Variants in UHRF1 observed in about 807,000 individuals in gnomAD.
UHRF1 encodes the protein ubiquitin like with PHD and ring finger domains 1.
In UHRF1, 9 loss-of-function variants were observed where a neutral mutation model predicts 96.5. The ratio of observed to expected loss-of-function variants is 0.09; its 90% confidence interval spans 0.06 to 0.16. The LOEUF is 0.16. UHRF1 is among the 10% of genes least tolerant of loss of function. The probability of loss-of-function intolerance (pLI) is 1.00; values close to 1 mark genes in which losing one functional copy is unlikely to be tolerated. For missense variants in UHRF1, 626 were observed against 1,131.1 expected (o/e 0.55, Z 6.40); for synonymous variants, 455 against 469.9 (o/e 0.97, Z 0.41).
intron 6 of UHRF1, 33 bp from the exon 7 acceptor site, chr19:4,941,712 C>G (rs1484115579): frequency 1.3e-6 from 2 of 1,555,328 alleles, no homozygotes; most frequent in Non-Finnish European, 1.7e-6. Flanking sequence ...TGGCCGGGCC[C>G]CGCCGGAGCT....
intron 2 of UHRF1, among the ~76,000 whole-genome samples, chr19:4,914,764 C>A (rs555126618): frequency 6.6e-6 from 1 of 152,112 alleles, no homozygotes; most frequent in East Asian, 1.9e-4. Flanking sequence ...TTTCAGCATC[C>A]CTGGCCCGCG....
chr19:4,953,904 G>A (rs1326096089), intron 13 of UHRF1, among the ~76,000 whole-genome samples: 1 of 152,016 alleles, frequency 6.6e-6, no homozygotes, highest in Non-Finnish European at 1.5e-5. Context: ...AAATTAGCTG[G>A]GTGTGGTGGC....
At chr19:4,918,160 C>T (rs1418332752) in intron 2 of UHRF1, among the ~76,000 whole-genome samples, 1 of 151,092 alleles carries the variant, frequency 6.6e-6, no homozygotes, top group Non-Finnish European at 1.5e-5. Context: ...CACTCTGTTG[C>T]CCAAGCTGGA....
chr19:4,926,919 C>G (rs1050640546), intron 2 of UHRF1, among the ~76,000 whole-genome samples: 2 of 152,002 alleles, frequency 1.3e-5, no homozygotes, highest in Non-Finnish European at 2.9e-5. Flanking sequence ...AAAAATTAGC[C>G]GGGCTTGGTG....
intron 1 of UHRF1, among the ~76,000 whole-genome samples, chr19:4,904,336 T>C (rs1330561845): frequency 6.6e-6 from 1 of 152,058 alleles, no homozygotes. Context: ...CCGCCACAAA[T>C]GCCTGGCTAA....
intron 13 of UHRF1, among the ~76,000 whole-genome samples, chr19:4,951,948 G>A (rs1037186375): frequency 6.6e-6 from 1 of 152,166 alleles, no homozygotes; most frequent in African/African-American, 2.4e-5. Context: ...AATTGCTGTC[G>A]AGAGCCTGAT....
At chr19:4,914,732 C>T (rs866558179) in intron 2 of UHRF1, among the ~76,000 whole-genome samples, 2 of 151,272 alleles carry the variant, frequency 1.3e-5, no homozygotes, top group East Asian at 1.9e-4. Flanking sequence ...TCGGGTACAA[C>T]GCTCTGCACT....
intron 13 of UHRF1, among the ~76,000 whole-genome samples, chr19:4,953,482 G>T (rs118016019): frequency 6.6e-6 from 1 of 151,936 alleles, no homozygotes; most frequent in Non-Finnish European, 1.5e-5. Context: ...TTTTATTTTT[G>T]AGACCAGGTC....
At chr19:4,927,779 A>AGG (rs2032920895) in intron 2 of UHRF1, among the ~76,000 whole-genome samples, 1 of 151,930 alleles carries the variant, frequency 6.6e-6, no homozygotes, top group African/African-American at 2.4e-5. Flanking sequence ...CAGTGCCCAG[A>AGG]GGGGGAGACC....
At position 4,954,659 on chromosome 19, in the gene UHRF1, C is replaced by T. The variant is rs938644931; in HGVS notation, c.1967C>T (p.Pro656Leu). 9 of 1,612,334 alleles carry T rather than the reference C, an allele frequency of 5.6e-6. No individual in the cohort carries two copies. Among genetic ancestry groups the T allele is most frequent in the East Asian group, 2.2e-5 (1 of 44,792 alleles). The part of the protein sequence containing the change: ...KWKRKSAGGG[P>L]SRAGSPRRTS... ...CCCCACCCTCTTCCAGGAGGTGGCC[C>T]GAGCAGGGCCGGGTCCCCGCGCCGG... is the stretch of plus-strand genomic sequence containing the variant. Residue 656 changes from proline to leucine, a missense_variant, in exon 15 of 17, where the codon CCG (proline) becomes CTG (leucine). Transcript: ENST00000650932. This position sits in a 1 kb window ranked among gnomAD's most constrained non-coding sequence, Gnocchi z 5.9.
At chr19:4,943,475 G>A (rs1369884915) in intron 7 of UHRF1, among the ~76,000 whole-genome samples, 3 of 148,344 alleles carry the variant, frequency 2.0e-5, no homozygotes, top group African/African-American at 7.6e-5. Context: ...CAGCACAGAA[G>A]TGGGTGTTGT....
chr19:4,943,851 G>A (rs940152539), intron 7 of UHRF1, among the ~76,000 whole-genome samples: 7 of 151,986 alleles, frequency 4.6e-5, no homozygotes, highest in East Asian at 1.9e-4. Flanking sequence ...GGGTTTCACC[G>A]TGTTGGCCAG....
rs756233485 is a variant in UHRF1 at position 4,944,125 on chromosome 19, C to T, written c.1074-7C>T. Reference sequence around the variant, plus strand: ...AGGCGTGGGCAGTGACAATCCCGACCTCGCAGGTACTGCCCTGAGTGCCGG... The same window carrying T: ...AGGCGTGGGCAGTGACAATCCCGACTTCGCAGGTACTGCCCTGAGTGCCGG... On this transcript the variant is annotated splice_region_variant and splice_polypyrimidine_tract_variant and intron_variant, in intron 7 of 16. Coordinates refer to ENST00000650932, the MANE Select transcript of UHRF1 (RefSeq NM_001048201.3). 3.3e-5 allele frequency: 53 copies of T among 1,613,502 alleles called. No homozygotes were observed. In the South Asian group the frequency reaches 5.2e-4, roughly 16 times the overall value.
intron 13 of UHRF1, among the ~76,000 whole-genome samples, chr19:4,951,916 G>A (rs1292769412): frequency 1.3e-5 from 2 of 152,132 alleles, no homozygotes; most frequent in Admixed American, 6.6e-5. Context: ...CAGACGAATC[G>A]TGAGACTATT....
chr19:4,936,400 C>T lies in UHRF1; in HGVS notation c.785+3444C>T, dbSNP rs73921813. Among the ~76,000 whole-genome samples the T allele has an allele frequency of 6.9e-3, 1,050 of 152,192 alleles. 18 individuals are homozygous for T. Among genetic ancestry groups the T allele is most frequent in the African/African-American group, 0.024 (986 of 41,514 alleles). ...CTGCAGATGACAGACCAGGGAGATG[C>T]GTGCTCTGAGACAACACGCGAGGAT... On this transcript the variant is annotated intron_variant, in intron 5 of 16. Coordinates refer to ENST00000650932, the MANE Select transcript of UHRF1 (RefSeq NM_001048201.3).
chr19:4,930,102 G>A lies in UHRF1; in HGVS notation c.409-614G>A, dbSNP rs2033001081. Among the ~76,000 whole-genome samples the A allele has an allele frequency of 6.6e-6, 1 of 152,174 alleles. No individual in the cohort carries two copies. Among genetic ancestry groups the A allele is most frequent in the Admixed American group, 6.6e-5 (1 of 15,266 alleles). The stretch of plus-strand genomic sequence containing the variant: ...CAATTCTCGTGCCTCAGCCTCCTGA[G>A]TAGCTGGGATTACAGGCATGTGCCA... On this transcript the variant is annotated intron_variant, in intron 3 of 16. Coordinates refer to ENST00000650932, the MANE Select transcript of UHRF1 (RefSeq NM_001048201.3). This position sits in a 1 kb window ranked among gnomAD's most constrained non-coding sequence, Gnocchi z 4.4.
rs1391204595 is a variant in UHRF1 at position 4,932,792 on chromosome 19, C to G, written c.621C>G (p.Arg207=). Residue 207 remains arginine, a synonymous_variant, in exon 5 of 17, where the codon CGC becomes CGG. Coordinates refer to ENST00000650932, the MANE Select transcript of UHRF1 (RefSeq NM_001048201.3). ...TGAACTCCAGGGACGTCCGAGCGCG[C>G]GCCCGCACCATCATCAAGTGGCAGG... The part of the protein sequence containing the change: ...VQMNSRDVRA[R]ARTIIKWQDL... 6.2e-7 allele frequency: 1 copy of G among 1,613,768 alleles called. No individual in the cohort carries two copies. Among genetic ancestry groups the G allele is most frequent in the South Asian group, 1.1e-5 (1 of 91,084 alleles).
At chr19:4,937,999 C>T (rs550246508) in intron 5 of UHRF1, among the ~76,000 whole-genome samples, 1 of 152,172 alleles carries the variant, frequency 6.6e-6, no homozygotes, top group African/African-American at 2.4e-5. Context: ...ACTAAAAATA[C>T]AAAAATTAGC....
At chr19:4,946,048 T>A in intron 10 of UHRF1, 83 bp downstream of exon 10, 1 of 1,106,118 alleles carries the variant, frequency 9.0e-7, no homozygotes, top group Non-Finnish European at 1.3e-6. Flanking sequence ...AAATTTCCCA[T>A]CCTAGCCGTT....
Sources: gnomAD v4.1 joint callset for allele counts (sites outside exome capture counted in the v4.1 genomes callset) on GRCh38, gnomAD v4.1.1 for gene constraint, Gnocchi (gnomAD v3.1) non-coding constraint, MANE v1.5 for transcripts, NCBI Gene and HGNC (gene_info 2026-07-23, HGNC 2026-07-21) for gene names.